RAB7B: variants seen among roughly 807,000 people sequenced by gnomAD.
RAB7B encodes ras-related protein Rab-7b.
chr1:205,988,401 A>G (rs1479324407), intron 4 of RAB7B, among the ~76,000 whole-genome samples: 1 of 151,882 alleles, frequency 6.6e-6, no homozygotes, highest in African/African-American at 2.4e-5. Context: ...TAATTAAAAA[A>G]AATTTTTTTC....
At chr1:205,992,935 T>C (rs1391720295) in intron 3 of RAB7B, among the ~76,000 whole-genome samples, 3 of 152,218 alleles carry the variant, frequency 2.0e-5, no homozygotes, top group Non-Finnish European at 4.4e-5. Context: ...ATTTTTCCTC[T>C]GGGTCATCAA....
chr1:205,980,496 C>T (rs1660469510), intron 5 of RAB7B, among the ~76,000 whole-genome samples: 1 of 152,238 alleles, frequency 6.6e-6, no homozygotes, highest in African/African-American at 2.4e-5. Context: ...ACTTGTGAAT[C>T]TAACTGTACA....
chr1:205,989,127 C>G (rs936446306), intron 4 of RAB7B, among the ~76,000 whole-genome samples: 190 of 150,740 alleles, frequency 1.3e-3, no homozygotes, highest in African/African-American at 4.2e-3. Flanking sequence ...CCCTCTCCTC[C>G]ATCCTCTCCT....
At position 205,980,629 on chromosome 1, in the gene RAB7B, C is replaced by T. The variant is rs1364995836; in HGVS notation, c.523-1701G>A. 2.0e-5 allele frequency among the ~76,000 whole-genome samples: 3 copies of T among 152,194 alleles called. 1 individual carries two copies. In the East Asian group the frequency reaches 5.8e-4, roughly 29 times the overall value. ...TGCCTTAAGTCCTGCATCCTGAGGA[C>T]CATGTAAAGCTGCTGTGATTCACTG... On this transcript the variant is annotated intron_variant, in intron 5 of 5. Transcript: ENST00000617070.
intron 4 of RAB7B, among the ~76,000 whole-genome samples, chr1:205,991,143 T>C (rs1660715899): frequency 6.6e-6 from 1 of 152,176 alleles, no homozygotes; most frequent in Non-Finnish European, 1.5e-5. Context: ...CTCTTCCTGC[T>C]TCACTCCTGA....
At chr1:205,987,723 G>A (rs1660637388) in intron 4 of RAB7B, among the ~76,000 whole-genome samples, 1 of 152,020 alleles carries the variant, frequency 6.6e-6, no homozygotes. Context: ...TGCCAGCAAA[G>A]CTATTCTTTC....
At position 205,982,440 on chromosome 1, in the gene RAB7B, G is replaced by A. The variant is rs979750185; in HGVS notation, c.522+3100C>T. 4.6e-5 allele frequency among the ~76,000 whole-genome samples: 7 copies of A among 152,066 alleles called. No individual in the cohort carries two copies. In the South Asian group the frequency reaches 1.0e-3, roughly 22 times the overall value. On this transcript the variant is annotated intron_variant, in intron 5 of 5. Transcript: ENST00000617070. ...TAGCCTCTTCATCATCACCCATGGCGCTCATCCTCTCGGCAGCACGAAGCT... is the reference window on the plus strand; with the variant it reads ...TAGCCTCTTCATCATCACCCATGGCACTCATCCTCTCGGCAGCACGAAGCT...
rs1660491573 is a variant in RAB7B, at chr1:205,981,558, A to ACAC, written c.523-2631_523-2630insGTG. ...TGGTTTCTTTCACAATGTTAACTGA[A>ACAC]CTCCTACTGTGGTCTCTTTCAGAAT... On this transcript the variant is annotated intron_variant, in intron 5 of 5. Transcript: ENST00000617070. Among the ~76,000 whole-genome samples, 5 of 150,602 alleles carry ACAC rather than the reference A, an allele frequency of 3.3e-5. 1 individual carries two copies. Among genetic ancestry groups the ACAC allele is most frequent in the African/African-American group, 1.2e-4 (5 of 41,134 alleles).
At chr1:206,001,897 C>T (rs1660898717) in intron 1 of RAB7B, among the ~76,000 whole-genome samples, 1 of 152,204 alleles carries the variant, frequency 6.6e-6, no homozygotes, top group Admixed American at 6.5e-5. Flanking sequence ...TCTCTCCTTA[C>T]CCCGCTGGCT....
At chr1:205,986,240 G>A (rs1173850761) in intron 4 of RAB7B, among the ~76,000 whole-genome samples, 3 of 152,144 alleles carry the variant, frequency 2.0e-5, no homozygotes, top group Admixed American at 2.0e-4. Flanking sequence ...CCCAGGGCAG[G>A]GTCCTAGGAA....
Position 205,992,569 on chromosome 1 carries a change from G to T in RAB7B, c.307C>A (p.Arg103=), listed in dbSNP as rs955945331. 2.5e-6 allele frequency: 1 copy of T among 398,690 alleles called. No homozygotes were observed. Among genetic ancestry groups the T allele is most frequent in the Non-Finnish European group, 4.4e-6 (1 of 226,118 alleles). The allele number at this position is 398,690 out of a possible 1,614,324, so 24.7% of individuals were successfully genotyped here. ...ACAATCTTGGCCAGGACATCACCCC[G>T]CCAGATATCCAGGGCTTCAAAAGAC... is the stretch of plus-strand genomic sequence containing the variant. ...LESFEALDIW[R]GDVLAKIVPM... is the part of the protein sequence containing the mutation. The change falls in exon 4 of 6, where the codon CGG becomes AGG. Residue 103 remains arginine, a synonymous_variant. Coordinates refer to ENST00000617070, the MANE Select transcript of RAB7B (RefSeq NM_001164522.3).
chr1:205,989,088 C>T (rs1660671318), intron 4 of RAB7B, among the ~76,000 whole-genome samples: 1 of 151,992 alleles, frequency 6.6e-6, no homozygotes, highest in Admixed American at 6.6e-5. Flanking sequence ...AACCCCTTCC[C>T]TGGGCCTACC....
At chr1:205,982,355 A>G (rs1031758270) in intron 5 of RAB7B, among the ~76,000 whole-genome samples, 12 of 152,062 alleles carry the variant, frequency 7.9e-5, no homozygotes, top group Non-Finnish European at 1.6e-4. Flanking sequence ...CTACCTCCAA[A>G]GTCTCTTTAA....
chr1:205,979,630 C>T (rs1409981550), intron 5 of RAB7B, among the ~76,000 whole-genome samples: 3 of 152,144 alleles, frequency 2.0e-5, no homozygotes, highest in Non-Finnish European at 4.4e-5. Flanking sequence ...TGAAGACTTT[C>T]TTCTTCAAGG....
chr1:205,982,597 T>A (rs1202637212), intron 5 of RAB7B, among the ~76,000 whole-genome samples: 1 of 152,186 alleles, frequency 6.6e-6, no homozygotes. Flanking sequence ...TACTTTAAAG[T>A]TAGGGAAGTG....
chr1:205,999,354 G>A (rs906683166), intron 1 of RAB7B, among the ~76,000 whole-genome samples: 3 of 152,140 alleles, frequency 2.0e-5, no homozygotes, highest in Non-Finnish European at 4.4e-5. Flanking sequence ...ATCTTATAAA[G>A]AATTAGTAAG....
chr1:205,994,311 C>T (rs1660774237), intron 1 of RAB7B, 160 bp from the exon 2 acceptor site: 7 of 382,864 alleles, frequency 1.8e-5, no homozygotes, highest in Non-Finnish European at 2.8e-5. Context: ...CAGCAATCTT[C>T]ATATATCTTC....
intron 1 of RAB7B, among the ~76,000 whole-genome samples, chr1:205,999,144 C>T (rs1660853183): frequency 6.6e-6 from 1 of 152,092 alleles, no homozygotes; most frequent in Non-Finnish European, 1.5e-5. Context: ...AGCTCAGGGG[C>T]TGGATGGGTG....
intron 1 of RAB7B, among the ~76,000 whole-genome samples, chr1:205,996,459 T>G (rs1660814586): frequency 6.6e-6 from 1 of 152,138 alleles, no homozygotes; most frequent in East Asian, 1.9e-4. Context: ...GCCAGTTACT[T>G]CCCCTCTCTG....
Sources: allele counts gnomAD v4.1 joint callset (sites outside exome capture counted in the v4.1 genomes callset), GRCh38; gene constraint gnomAD v4.1.1; transcripts MANE v1.5; gene names NCBI Gene and HGNC (gene_info 2026-07-23, HGNC 2026-07-21).